Variants in KCNIP4 observed in about 807,000 individuals in gnomAD.
KCNIP4 encodes the protein potassium voltage-gated channel interacting protein 4.
In KCNIP4, 12 loss-of-function variants were observed where a neutral mutation model predicts 34.0. The observed-to-expected ratio is 0.35, with a 90% CI of 0.23 to 0.57. The LOEUF (loss-of-function observed/expected upper bound fraction) is 0.57. Ranked by LOEUF, KCNIP4 falls within the 20% of genes least tolerant of loss-of-function variation. The probability of loss-of-function intolerance (pLI) is 0.83; values close to 1 mark genes in which losing one functional copy is unlikely to be tolerated. For synonymous variants in KCNIP4, 124 were observed against 102.2 expected, an observed-to-expected ratio of 1.21 and a Z score of -1.29; for missense variants, 238 against 311.7, an observed-to-expected ratio of 0.76 and a Z score of 1.78.
At chr4:21,265,757 G>A (rs890886373) in intron 1 of KCNIP4, among the ~76,000 whole-genome samples, 2 of 152,146 alleles carry the variant, frequency 1.3e-5, no homozygotes, top group Admixed American at 1.3e-4. Context: ...TTTGATGGGT[G>A]GAAGGACACT....
At chr4:20,778,588 G>A (rs1368115406) in intron 3 of KCNIP4, among the ~76,000 whole-genome samples, 1 of 152,152 alleles carries the variant, frequency 6.6e-6, no homozygotes, top group African/African-American at 2.4e-5. Flanking sequence ...TGGGGGAAAT[G>A]GTACCTGGTG....
intron 1 of KCNIP4, among the ~76,000 whole-genome samples, chr4:21,758,061 G>T (rs963555963): frequency 1.3e-5 from 2 of 152,132 alleles, no homozygotes; most frequent in African/African-American, 4.8e-5. Context: ...TTTAGAAAAT[G>T]CATACTTACT....
intron 1 of KCNIP4, among the ~76,000 whole-genome samples, chr4:21,178,977 C>A (rs2109317293): frequency 6.6e-6 from 1 of 152,108 alleles, no homozygotes; most frequent in South Asian, 2.1e-4. Flanking sequence ...CCACCATGCC[C>A]AGCTAATTTT....
chr4:21,486,044 A>G (rs1290540940), intron 1 of KCNIP4, among the ~76,000 whole-genome samples: 1 of 152,166 alleles, frequency 6.6e-6, no homozygotes, highest in African/African-American at 2.4e-5. Context: ...AGAAAAATCA[A>G]CCTCGATTTT....
rs372042651 is a variant in KCNIP4, at chr4:21,197,617, A to T, written c.62-314908T>A. On this transcript the variant is annotated intron_variant, in intron 1 of 8. Coordinates refer to ENST00000382152, the MANE Select transcript of KCNIP4 (RefSeq NM_025221.6). ...TAAATACAGCAAATCAGCTGTATTT[A>T]TTGCAAATATATATTAATCAGTAGT... Among the ~76,000 whole-genome samples the T allele has an allele frequency of 7.0e-4, 106 of 152,202 alleles. 1 individual carries two copies. In the South Asian group the frequency reaches 0.021, roughly 30 times the overall value.
chr4:21,319,906 G>T (rs539834666), intron 1 of KCNIP4, among the ~76,000 whole-genome samples: 1 of 152,246 alleles, frequency 6.6e-6, no homozygotes, highest in South Asian at 2.1e-4. Context: ...AAAAAGAATA[G>T]GATAGAACTG....
intron 4 of KCNIP4, among the ~76,000 whole-genome samples, chr4:20,757,256 T>C (rs559823857): frequency 6.6e-6 from 1 of 152,254 alleles, no homozygotes; most frequent in South Asian, 2.1e-4. Flanking sequence ...CCACTTCTCA[T>C]TTTCTCCTAT....
rs527675701 is a variant in KCNIP4, at chr4:21,270,045, T to C, written c.62-387336A>G. On this transcript the variant is annotated intron_variant, in intron 1 of 8. Transcript: ENST00000382152. ...TTGAGTACTTAACTCAATAAGCAAA[T>C]CAGGTATTTTGGGATAAGAGCATGA... Among the ~76,000 whole-genome samples the C allele has an allele frequency of 2.0e-4, 30 of 152,224 alleles. No homozygotes were observed. The South Asian group carries it at 5.8e-3, about 29-fold the overall frequency.
At chr4:21,326,289 C>T (rs369369046) in intron 1 of KCNIP4, among the ~76,000 whole-genome samples, 4 of 148,576 alleles carry the variant, frequency 2.7e-5, no homozygotes, top group African/African-American at 7.4e-5. Context: ...GTTGGATATA[C>T]ATATATATAT....
intron 1 of KCNIP4, among the ~76,000 whole-genome samples, chr4:21,421,024 G>A (rs560364207): frequency 2.6e-5 from 4 of 152,016 alleles, no homozygotes; most frequent in South Asian, 4.1e-4. Flanking sequence ...AATGGCCAAC[G>A]GGCATATGAA....
intron 1 of KCNIP4, among the ~76,000 whole-genome samples, chr4:21,366,123 T>C (rs1308160596): frequency 6.6e-6 from 1 of 152,162 alleles, no homozygotes; most frequent in African/African-American, 2.4e-5. Context: ...GTAGTGACAA[T>C]TTCTCCTAAT....
At chr4:21,069,286 A>G (rs1744683506) in intron 1 of KCNIP4, among the ~76,000 whole-genome samples, 1 of 152,054 alleles carries the variant, frequency 6.6e-6, no homozygotes, top group South Asian at 2.1e-4. Context: ...GTGCTTACAC[A>G]GCTGCCTTTT....
chr4:21,002,493 G>A (rs770628188), intron 1 of KCNIP4, among the ~76,000 whole-genome samples: 30 of 152,142 alleles, frequency 2.0e-4, no homozygotes, highest in Non-Finnish European at 3.8e-4. Context: ...AAGACATATG[G>A]CCTCATCTTT....
chr4:21,201,894 T>A (rs960323445), intron 1 of KCNIP4, among the ~76,000 whole-genome samples: 2 of 152,248 alleles, frequency 1.3e-5, no homozygotes, highest in Non-Finnish European at 2.9e-5. Flanking sequence ...GTGTGAAGTA[T>A]CCTTGTACAT....
chr4:20,814,909 T>C (rs968907165), intron 3 of KCNIP4, among the ~76,000 whole-genome samples: 2 of 152,206 alleles, frequency 1.3e-5, no homozygotes, highest in African/African-American at 4.8e-5. Flanking sequence ...AGTTTTCTAA[T>C]TTTGGATCCT....
At chr4:21,110,088 C>A (rs927911755) in intron 1 of KCNIP4, among the ~76,000 whole-genome samples, 7 of 152,166 alleles carry the variant, frequency 4.6e-5, no homozygotes, top group African/African-American at 1.7e-4. Flanking sequence ...ATATTTAACC[C>A]TTTGGTGCCA....
At chr4:21,174,005 G>T (rs1754209382) in intron 1 of KCNIP4, among the ~76,000 whole-genome samples, 1 of 152,112 alleles carries the variant, frequency 6.6e-6, no homozygotes, top group South Asian at 2.1e-4. Context: ...AAGGTCACCT[G>T]CCTTCCTCCT....
chr4:21,587,789 C>G (rs183409728), intron 1 of KCNIP4, among the ~76,000 whole-genome samples: 62 of 152,094 alleles, frequency 4.1e-4, no homozygotes, highest in African/African-American at 1.4e-3. Flanking sequence ...AGAAAGGGTA[C>G]AGAAATATTG....
At chr4:21,004,351 C>A (rs1738380080) in intron 1 of KCNIP4, among the ~76,000 whole-genome samples, 1 of 152,178 alleles carries the variant, frequency 6.6e-6, no homozygotes, top group Admixed American at 6.5e-5. Flanking sequence ...AAATTTCTAA[C>A]TTGGACAACT....
Sources: allele counts gnomAD v4.1 joint callset (sites outside exome capture counted in the v4.1 genomes callset), GRCh38; gene constraint gnomAD v4.1.1; transcripts MANE v1.5; gene names NCBI Gene and HGNC (gene_info 2026-07-23, HGNC 2026-07-21).